POU2F1: variants seen among roughly 807,000 people sequenced by gnomAD.
POU2F1 encodes POU class 2 homeobox 1.
POU2F1 carries 16 observed loss-of-function variants against 84.9 expected under a neutral mutation model. The observed-to-expected ratio is 0.19, with a 90% CI of 0.13 to 0.29. POU2F1 has a LOEUF of 0.29. Ranked by LOEUF, POU2F1 falls within the 10% of genes least tolerant of loss-of-function variation. The pLI is 1.00. For synonymous variants in POU2F1, 368 were observed against 368.3 expected (o/e 1.00, Z 0.01); for missense variants, 738 against 942.6 (o/e 0.78, Z 2.84).
intron 1 of POU2F1, among the ~76,000 whole-genome samples, chr1:167,251,242 A>AG (rs397971807): frequency 6.6e-6 from 1 of 151,886 alleles, no homozygotes; most frequent in African/African-American, 2.4e-5. Flanking sequence ...CTACAAAAAA[A>AG]TCCAGAAATT....
intron 1 of POU2F1, among the ~76,000 whole-genome samples, chr1:167,224,316 GA>G (rs1276777154): frequency 3.3e-5 from 5 of 152,210 alleles, no homozygotes; most frequent in African/African-American, 1.2e-4. Context: ...GGCTAATGGA[GA>G]GACCATTTGC....
chr1:167,280,853 G>C (rs960744238), intron 1 of POU2F1, among the ~76,000 whole-genome samples: 2 of 152,176 alleles, frequency 1.3e-5, no homozygotes, highest in Non-Finnish European at 2.9e-5. Flanking sequence ...CGTTTATTAA[G>C]TGTTTATATG....
At chr1:167,275,451 A>G (rs1000856141) in intron 1 of POU2F1, among the ~76,000 whole-genome samples, 1 of 152,012 alleles carries the variant, frequency 6.6e-6, no homozygotes, top group Non-Finnish European at 1.5e-5. Context: ...CAGTATGACT[A>G]CAGAAGGCCG....
rs1650322534 is a variant in POU2F1, at chr1:167,416,362, C to T, written c.*552C>T. 3.7e-5 allele frequency: 8 copies of T among 216,588 alleles called. No individual in the cohort carries two copies. The South Asian group carries it at 5.1e-4, about 14-fold the overall frequency. The allele number at this position is 216,588 out of a possible 1,614,324, so 13.4% of individuals were successfully genotyped here. ...CCTTTCTTAACTGGTACAATTTAGG[C>T]AGGCCTGTATTACTGTATTATTATT... On this transcript the variant is annotated 3_prime_UTR_variant, in exon 16 of 16. Transcript: ENST00000367866.
intron 1 of POU2F1, among the ~76,000 whole-genome samples, chr1:167,241,005 GGTGGT>G (rs1328203703): frequency 6.6e-6 from 1 of 152,152 alleles, no homozygotes; most frequent in Non-Finnish European, 1.5e-5. Context: ...AGCCTGATGT[GGTGGT>G]GCGTGCCTGT....
At chr1:167,332,613 G>T (rs1397084480) in intron 2 of POU2F1, 78 bp downstream of exon 2, 1 of 1,217,634 alleles carries the variant, frequency 8.2e-7, no homozygotes, top group Non-Finnish European at 1.2e-6. Context: ...ACTAGGACTT[G>T]TATTTGGCAA....
At chr1:167,335,198 A>G (rs1657362360) in intron 2 of POU2F1, among the ~76,000 whole-genome samples, 1 of 152,186 alleles carries the variant, frequency 6.6e-6, no homozygotes, top group Admixed American at 6.5e-5. Flanking sequence ...TGTTATTAGG[A>G]TGTACAATGC....
chr1:167,225,542 C>G (rs183945237), intron 1 of POU2F1, among the ~76,000 whole-genome samples: 3 of 152,308 alleles, frequency 2.0e-5, no homozygotes, highest in Admixed American at 1.3e-4. Flanking sequence ...GTTCAGGGCT[C>G]AAAATGTTAC....
chr1:167,384,615 C>A (rs1014335249), intron 8 of POU2F1, among the ~76,000 whole-genome samples: 2 of 151,638 alleles, frequency 1.3e-5, no homozygotes, highest in African/African-American at 4.8e-5. Context: ...AATACTAACA[C>A]ATTACCAGAT....
At chr1:167,303,288 A>G (rs1037436298) in intron 1 of POU2F1, among the ~76,000 whole-genome samples, 2 of 152,200 alleles carry the variant, frequency 1.3e-5, no homozygotes, top group Non-Finnish European at 2.9e-5. Context: ...AAGGGCAGGT[A>G]CTAGTTATTT....
At chr1:167,230,234 A>G (rs937341744) in intron 1 of POU2F1, among the ~76,000 whole-genome samples, 1 of 151,900 alleles carries the variant, frequency 6.6e-6, no homozygotes, top group Non-Finnish European at 1.5e-5. Context: ...GAGAACCTTT[A>G]CTCACACTTT....
chr1:167,237,307 G>C (rs1221892766), intron 1 of POU2F1, among the ~76,000 whole-genome samples: 2 of 152,132 alleles, frequency 1.3e-5, no homozygotes, highest in Non-Finnish European at 2.9e-5. Flanking sequence ...TTAGAATGTT[G>C]AGAAGTTAAT....
chr1:167,257,515 A>G (rs1195251845), intron 1 of POU2F1, among the ~76,000 whole-genome samples: 1 of 152,220 alleles, frequency 6.6e-6, no homozygotes, highest in African/African-American at 2.4e-5. Context: ...CTGAACATAC[A>G]TAGTAGCTTC....
intron 1 of POU2F1, among the ~76,000 whole-genome samples, chr1:167,313,312 A>G (rs1198440896): frequency 6.6e-6 from 1 of 152,232 alleles, no homozygotes; most frequent in Non-Finnish European, 1.5e-5. Context: ...CTTTTTTTCT[A>G]GACATGAACA....
rs1220289726 is a variant in POU2F1 at position 167,419,920 on chromosome 1, C to T, written c.*4110C>T. ...AAGATTCTTAGTGAGATCATCTTGC[C>T]AATTTGTTGTACATCTCTCATTCAT... is the stretch of plus-strand genomic sequence containing the variant. On this transcript the variant is annotated 3_prime_UTR_variant, in exon 16 of 16. Coordinates refer to ENST00000367866, the MANE Select transcript of POU2F1 (RefSeq NM_002697.4). 3.9e-5 allele frequency: 6 copies of T among 152,020 alleles called. No homozygotes were observed. Among genetic ancestry groups the T allele is most frequent in the African/African-American group, 1.4e-4 (6 of 41,386 alleles). 9.4% of individuals were successfully genotyped at this position (152,020 alleles called of 1,614,324 possible). A position where few individuals can be genotyped will look rare whatever the true frequency, so the allele number is the denominator to read the frequency against.
rs193012519 is a variant in POU2F1, at chr1:167,406,729, G to A, written c.1555+5173G>A. On this transcript the variant is annotated intron_variant, in intron 13 of 15. Transcript: ENST00000367866. ...CATTTGTATGTACTATCAATGGACA[G>A]TTCAAAAATGAAATTTAGGAAATAA... Among the ~76,000 whole-genome samples the A allele has an allele frequency of 5.3e-5, 8 of 152,212 alleles. No homozygotes were observed. In the South Asian group the frequency reaches 8.3e-4, roughly 16 times the overall value.
At chr1:167,334,075 A>T (rs1657259072) in intron 2 of POU2F1, among the ~76,000 whole-genome samples, 1 of 151,888 alleles carries the variant, frequency 6.6e-6, no homozygotes. Context: ...GACTACATGG[A>T]AATCCCTGTA....
rs1656301320 is a variant in POU2F1 at position 167,321,425 on chromosome 1, TAGC to T, written c.62-11042_62-11040del. ...ATTAAAGGTGAATTTTTTGGAATCA[TAGC>T]AGGAGAAGGCAATCCTGGCTGTAAT... On this transcript the variant is annotated intron_variant, in intron 1 of 15. Coordinates refer to ENST00000367866, the MANE Select transcript of POU2F1 (RefSeq NM_002697.4). 2.6e-5 allele frequency among the ~76,000 whole-genome samples: 4 copies of T among 152,318 alleles called. No homozygotes were observed. In the South Asian group the frequency reaches 8.3e-4, roughly 32 times the overall value.
At chr1:167,388,204 TA>T (rs1266459208) in intron 8 of POU2F1, among the ~76,000 whole-genome samples, 1 of 152,176 alleles carries the variant, frequency 6.6e-6, no homozygotes, top group Non-Finnish European at 1.5e-5. Flanking sequence ...TTCAAAGAAA[TA>T]CAGATAATAA....
Sources: gnomAD v4.1 joint callset for allele counts (sites outside exome capture counted in the v4.1 genomes callset) on GRCh38, gnomAD v4.1.1 for gene constraint, MANE v1.5 for transcripts, NCBI Gene and HGNC (gene_info 2026-07-23, HGNC 2026-07-21) for gene names.